Variants in KLHL30 observed in about 807,000 individuals in gnomAD.
KLHL30 encodes kelch-like protein 30.
A neutral mutation model predicts 55.0 loss-of-function variants in KLHL30; 55 were observed. The ratio of observed to expected loss-of-function variants is 1.00; its 90% CI spans 0.80 to 1.25. The LOEUF (loss-of-function observed/expected upper bound fraction) is 1.25. Among genes scored for constraint, KLHL30 ranks in the 50% most tolerant of loss-of-function variants. The probability of loss-of-function intolerance (pLI) is 0.00; values close to 1 mark genes in which losing one functional copy is unlikely to be tolerated. For missense variants in KLHL30, 786 were observed against 811.6 expected, an observed-to-expected ratio of 0.97 and a Z score of 0.38; for synonymous variants, 356 against 372.6, an observed-to-expected ratio of 0.96 and a Z score of 0.51.
In KLHL30 at chr2:238,148,935, A is replaced by T. The variant is rs1030501788; in HGVS notation, c.1340-72A>T. 3.4e-6 allele frequency: 5 copies of T among 1,474,396 alleles called. No individual in the cohort carries two copies. In the African/African-American group the frequency reaches 7.0e-5, roughly 21 times the overall value. The allele number at this position is 1,474,396 out of a possible 1,614,324, so 91.3% of individuals were successfully genotyped here. A position where few individuals can be genotyped will look rare whatever the true frequency, so the allele number is the denominator to read the frequency against. On this transcript the variant is annotated intron_variant, in intron 6 of 7. Transcript: ENST00000409223. The stretch of plus-strand genomic sequence containing the variant: ...AGAGGCACTGAGTCCAGGGTCCCTC[A>T]GAGTGGGGCACAGTGCTAGTGCCCG...
intron 1 of KLHL30, among the ~76,000 whole-genome samples, chr2:238,139,145 G>C (rs929637726): frequency 6.6e-6 from 1 of 152,208 alleles, no homozygotes; most frequent in South Asian, 2.1e-4. Flanking sequence ...ACCCATGCAG[G>C]GACTGCAGGG....
At chr2:238,145,271 T>C (rs1692626777) in intron 4 of KLHL30, among the ~76,000 whole-genome samples, 1 of 152,178 alleles carries the variant, frequency 6.6e-6, no homozygotes, top group Non-Finnish European at 1.5e-5. Flanking sequence ...GCTGCAGGCC[T>C]TCAGCATGGG....
chr2:238,143,030 G>A, intron 3 of KLHL30, 99 bp downstream of exon 3: 1 of 1,352,556 alleles, frequency 7.4e-7, no homozygotes, highest in South Asian at 1.9e-5. Flanking sequence ...GGCTCGCAGA[G>A]GACCGGGAGC....
At chr2:238,140,642 G>GA in intron 1 of KLHL30, 43 bp from the exon 2 acceptor site, 1 of 1,171,632 alleles carries the variant, frequency 8.5e-7, no homozygotes, top group Non-Finnish European at 1.2e-6. Flanking sequence ...TCAGGAGGAT[G>GA]AGACCATCCC....
chr2:238,150,056 T>C (rs1045411523), intron 7 of KLHL30, among the ~76,000 whole-genome samples: 2 of 152,184 alleles, frequency 1.3e-5, no homozygotes, highest in African/African-American at 4.8e-5. Context: ...ACTGCTCAGC[T>C]GACCCAGGGC....
Position 238,140,889 on chromosome 2 carries a change from A to T in KLHL30, c.135A>T (p.Pro45=), listed in dbSNP as rs557989157. The T allele has an allele frequency of 1.2e-6, 2 of 1,611,188 alleles. No individual in the cohort carries two copies. Among genetic ancestry groups the T allele is most frequent in the Admixed American group, 1.7e-5 (1 of 59,952 alleles). The change falls in exon 2 of 8, where the codon CCA becomes CCT. Residue 45 remains proline, a synonymous_variant. Transcript: ENST00000409223. ...VTLLVGGREL[P]CHRGLLALSS... is the part of the protein sequence containing the mutation. ...TGCTGGTGGGCGGCCGGGAGCTGCC[A>T]TGCCACCGCGGCCTCCTGGCGCTCA...
rs201340459 is a variant in KLHL30, at chr2:238,144,959, C to T, written c.965C>T (p.Ala322Val). ...TATCACAAGTGGGGTTTCTCCCTGG[C>T]GGCCCTGAACAACAACATCTATGTC... is the stretch of plus-strand genomic sequence containing the variant. The part of the protein sequence containing the change: ...PDYHKWGFSL[A>V]ALNNNIYVTG... The change falls in exon 4 of 8, where the codon GCG becomes GTG. Residue 322 changes from alanine (A) to valine (V), a missense_variant. Ala to Val is a moderately conservative substitution (Grantham distance 64, BLOSUM62 0). Coordinates refer to ENST00000409223, the MANE Select transcript of KLHL30 (RefSeq NM_198582.4). The T allele has an allele frequency of 1.7e-3, 2,685 of 1,609,584 alleles. 4 individuals carry two copies. Among genetic ancestry groups the T allele is most frequent in the Non-Finnish European group, 1.5e-3 (1,825 of 1,178,102 alleles).
rs751007973 is a variant in KLHL30, at chr2:238,141,368, G to A, written c.614G>A (p.Arg205His). The A allele has an allele frequency of 9.4e-6, 15 of 1,596,784 alleles. No homozygotes were observed. Among genetic ancestry groups the A allele is most frequent in the South Asian group, 6.7e-5 (6 of 90,100 alleles). Residue 205 changes from arginine to histidine, a missense_variant, in exon 2 of 8, where the codon CGC (arginine) becomes CAC (histidine). Arg to His is a conservative substitution (Grantham distance 29, BLOSUM62 0). Coordinates refer to ENST00000409223, the MANE Select transcript of KLHL30 (RefSeq NM_198582.4). ...CTCGAGGCCCTGATGCGCTGGGTGC[G>A]CCATGACCCGCAGGCCCGGGCCGCC... is the stretch of plus-strand genomic sequence containing the variant. ...SRLEALMRWV[R>H]HDPQARAAHL...
In KLHL30 at chr2:238,141,104, C is replaced by T. The variant is rs760021428; in HGVS notation, c.350C>T (p.Ser117Leu). Reference protein sequence around the residue: ...TRTAARLHFPSVQKVCGRYLQ... With the variant: ...TRTAARLHFPLVQKVCGRYLQ... ...ACGGCTGCGCGCCTGCACTTCCCCTCGGTGCAGAAGGTCTGCGGCCGCTAC... is the reference window on the plus strand; with the variant it reads ...ACGGCTGCGCGCCTGCACTTCCCCTTGGTGCAGAAGGTCTGCGGCCGCTAC... Residue 117 changes from serine to leucine, a missense_variant, in exon 2 of 8, where the codon TCG (serine) becomes TTG (leucine). Physicochemically the swap from Ser to Leu is moderately radical, Grantham distance 145 (BLOSUM62 -2). Transcript: ENST00000409223. The T allele has an allele frequency of 3.0e-5, 48 of 1,608,746 alleles. No homozygotes were observed. Among genetic ancestry groups the T allele is most frequent in the Non-Finnish European group, 3.6e-5 (42 of 1,176,906 alleles).
In KLHL30 at chr2:238,140,776, C is replaced by T. The variant is rs1574755139; in HGVS notation, c.22C>T (p.Leu8=). The change falls in exon 2 of 8, where the codon CTG becomes TTG. Residue 8 remains leucine (L), a synonymous_variant. Transcript: ENST00000409223. MVRNVDD[L]DFHLPSHAQD... ...CGTCATGGTGCGGAACGTGGATGACCTGGATTTCCACCTGCCCTCGCATGC... is the reference window on the plus strand; with the variant it reads ...CGTCATGGTGCGGAACGTGGATGACTTGGATTTCCACCTGCCCTCGCATGC... The T allele has an allele frequency of 6.4e-7, 1 of 1,553,092 alleles. No individual in the cohort carries two copies. The highest frequency in any genetic ancestry group is 1.4e-5 in the African/African-American group (1 of 73,828).
In KLHL30 at chr2:238,151,261, T is replaced by C. The variant is rs7588480; in HGVS notation, c.*196T>C. 0.79 allele frequency: 572,513 copies of C among 721,708 alleles called. 228,579 individuals are homozygous for C. Among genetic ancestry groups the C allele is most frequent in the East Asian group, 0.92 (33,746 of 36,638 alleles). 44.7% of individuals were successfully genotyped at this position (721,708 alleles called of 1,614,324 possible). On this transcript the variant is annotated 3_prime_UTR_variant, in exon 8 of 8. Transcript: ENST00000409223. ...TCTCTGTGGCCACCACACTAAACTC[T>C]GAGCTGAGCAGTGACAAGGGCCTGA...
intron 6 of KLHL30, 23 bp downstream of exon 6, chr2:238,148,045 G>T (rs757507581): frequency 7.3e-7 from 1 of 1,377,584 alleles, no homozygotes; most frequent in African/African-American, 1.5e-5. Context: ...CAGGGACCGA[G>T]GATAGAGGAC....
At chr2:238,145,528 C>T (rs917542179) in intron 4 of KLHL30, 149 bp from the exon 5 acceptor site, 20 of 836,572 alleles carry the variant, frequency 2.4e-5, no homozygotes, top group African/African-American at 3.4e-5. Context: ...TCACACAGCT[C>T]GGCTGCGCTA....
chr2:238,143,076 G>T (rs893974679), intron 3 of KLHL30, 145 bp downstream of exon 3: 3 of 1,084,550 alleles, frequency 2.8e-6, no homozygotes, highest in Non-Finnish European at 3.7e-6. Flanking sequence ...GCCTGGGTGG[G>T]CCTCACCTGG....
intron 4 of KLHL30, 137 bp from the exon 5 acceptor site, chr2:238,145,540 C>T (rs1370496034): frequency 5.1e-6 from 5 of 975,370 alleles, no homozygotes; most frequent in East Asian, 2.6e-5. Flanking sequence ...GCTGCGCTAC[C>T]CTGGTCCCAC....
Position 238,140,864 on chromosome 2 carries a change from T to G in KLHL30, c.110T>G (p.Leu37Arg). 1 of 1,611,102 alleles carries G rather than the reference T, an allele frequency of 6.2e-7. No homozygotes were observed. ...CAGCCCAAGCTGGCCGACGTCACAC[T>G]GCTGGTGGGCGGCCGGGAGCTGCCA... ...RSQPKLADVT[L>R]LVGGRELPCH... The change falls in exon 2 of 8, where the codon CTG becomes CGG. Residue 37 changes from leucine to arginine, a missense_variant. Physicochemically the swap from Leu to Arg is moderately radical, Grantham distance 102. Transcript: ENST00000409223.
rs530687805 is a variant in KLHL30 at position 238,140,971 on chromosome 2, C to A, written c.217C>A (p.Arg73Ser). ...AGDFAESFSA[R>S]VELRDVEPAV... ...TGACTTCGCCGAGAGCTTCTCTGCG[C>A]GCGTGGAGCTGCGGGACGTGGAGCC... The change falls in exon 2 of 8, where the codon CGC becomes AGC. Residue 73 changes from arginine to serine, a missense_variant. By Grantham distance (110) the Arg-to-Ser change is moderately radical. Transcript: ENST00000409223. 1 of 1,612,364 alleles carries A rather than the reference C, an allele frequency of 6.2e-7. No individual in the cohort carries two copies. The highest frequency in any genetic ancestry group is 8.5e-7 in the Non-Finnish European group (1 of 1,179,588).
chr2:238,149,263 G>T, intron 7 of KLHL30, 111 bp downstream of exon 7: 1 of 1,433,084 alleles, frequency 7.0e-7, no homozygotes, highest in Non-Finnish European at 9.5e-7. Context: ...CACTGCGAAG[G>T]GGACAGCGCA....
Position 238,151,466 on chromosome 2 carries a change from G to A in KLHL30, c.*401G>A, listed in dbSNP as rs188926994. ...CATGAATGTGGGGTGAACACGGAGC[G>A]TCCCAGAAAGCTGAGGCTGCTGGGG... On this transcript the variant is annotated 3_prime_UTR_variant, in exon 8 of 8. Coordinates refer to ENST00000409223, the MANE Select transcript of KLHL30 (RefSeq NM_198582.4). 2.3e-4 allele frequency: 53 copies of A among 230,482 alleles called. No homozygotes were observed. The Middle Eastern group carries it at 4.7e-3, about 21-fold the overall frequency. The allele number at this position is 230,482 out of a possible 1,614,324, so 14.3% of individuals were successfully genotyped here.
Sources: allele counts gnomAD v4.1 joint callset (sites outside exome capture counted in the v4.1 genomes callset), GRCh38; gene constraint gnomAD v4.1.1; transcripts MANE v1.5; gene names NCBI Gene and HGNC (gene_info 2026-07-23, HGNC 2026-07-21).